XDH: variants seen among roughly 807,000 people sequenced by gnomAD.
XDH encodes xanthine dehydrogenase/oxidase.
XDH carries 138 observed loss-of-function variants against 156.1 expected under a neutral mutation model. The observed-to-expected ratio is 0.88, with a 90% CI of 0.77 to 1.02. The LOEUF is 1.02. Among genes scored for constraint, XDH ranks in the 50% least tolerant of loss-of-function variants. The probability of loss-of-function intolerance (pLI) is 0.00; values close to 1 mark genes in which losing one functional copy is unlikely to be tolerated. For synonymous variants in XDH, 669 were observed against 625.7 expected (o/e 1.07, Z -1.03); for missense variants, 1,849 against 1,684.9 (o/e 1.10, Z -1.71).
rs10590467 is a variant in XDH, at chr2:31,335,249, AAG to A, written c.*707_*708del. On this transcript the variant is annotated 3_prime_UTR_variant, in exon 36 of 36. Transcript: ENST00000379416. The stretch of plus-strand genomic sequence containing the variant: ...ACATAATCTTTTTTGTAAATACTCA[AAG>A]AGTATTTGGAATACAAATATTCTCT... The A allele has an allele frequency of 0.12, 17,829 of 153,058 alleles. 1,147 individuals carry two copies. The highest frequency in any genetic ancestry group is 0.2 in the Middle Eastern group (57 of 292). The allele number at this position is 153,058 out of a possible 1,614,324, so 9.5% of individuals were successfully genotyped here.
intron 34 of XDH, among the ~76,000 whole-genome samples, chr2:31,338,287 T>A (rs973905554): frequency 1.3e-5 from 2 of 152,192 alleles, no homozygotes; most frequent in Non-Finnish European, 2.9e-5. Context: ...ATTAAAACAT[T>A]TTCTAGCATA....
chr2:31,360,471 A>G (rs1558685319), intron 24 of XDH, among the ~76,000 whole-genome samples: 1 of 152,208 alleles, frequency 6.6e-6, no homozygotes, highest in Non-Finnish European at 1.5e-5. Flanking sequence ...ACTGCACTCC[A>G]GCCTGGGTGA....
At chr2:31,338,690 A>G (rs1312656158) in intron 34 of XDH, among the ~76,000 whole-genome samples, 1 of 150,226 alleles carries the variant, frequency 6.7e-6, no homozygotes, top group Non-Finnish European at 1.5e-5. Context: ...TAGAAGACAC[A>G]ATCCTCCAGG....
intron 6 of XDH, 57 bp downstream of exon 6, chr2:31,397,611 T>A: frequency 1.2e-6 from 2 of 1,607,418 alleles, no homozygotes; most frequent in Non-Finnish European, 1.7e-6. Flanking sequence ...CCACAGTGAT[T>A]TCTGAGTGTT....
rs551375856 is a variant in XDH, at chr2:31,363,371, C to T, written c.2631+787G>A. Among the ~76,000 whole-genome samples the T allele has an allele frequency of 2.6e-5, 4 of 152,250 alleles. 1 individual carries two copies. Among genetic ancestry groups the T allele is most frequent in the African/African-American group, 9.6e-5 (4 of 41,558 alleles). ...ACAAAACATTATTCTGAGAGAAAGA[C>T]ACCAAACAGAAAAAACTACATAGTG... On this transcript the variant is annotated intron_variant, in intron 24 of 35. Coordinates refer to ENST00000379416, the MANE Select transcript of XDH (RefSeq NM_000379.4).
At chr2:31,366,692 A>T (rs1685922934) in intron 21 of XDH, among the ~76,000 whole-genome samples, 178 bp downstream of exon 21, 1 of 152,218 alleles carries the variant, frequency 6.6e-6, no homozygotes, top group Non-Finnish European at 1.5e-5. Context: ...AAGGTTATGG[A>T]ACAAGGTCAG....
intron 9 of XDH, among the ~76,000 whole-genome samples, chr2:31,385,107 G>A (rs1313184535): frequency 6.6e-6 from 1 of 152,114 alleles, no homozygotes; most frequent in Non-Finnish European, 1.5e-5. Context: ...TGGGGTGGGG[G>A]ACCACATGAG....
chr2:31,384,067 C>G (rs532192873), intron 9 of XDH: 2 of 546,542 alleles, frequency 3.7e-6, no homozygotes, highest in Non-Finnish European at 6.6e-6. Context: ...GTCTTTCTTT[C>G]CCTCTCAAAA....
rs770700444 is a variant in XDH, at chr2:31,398,666, C to A, written c.340G>T (p.Gly114Trp). The change falls in exon 5 of 36, where the codon GGG (glycine) becomes TGG (tryptophan). Residue 114 changes from glycine (G) to tryptophan (W), a missense_variant. Physicochemically the swap from Gly to Trp is radical, Grantham distance 184 (BLOSUM62 -2). Transcript: ENST00000379416. ...ATGACGATGCCAGGGGTGCAGAACCCGCACTGGGAGCCGTGGCTTTTGGCA... is the reference window on the plus strand; with the variant it reads ...ATGACGATGCCAGGGGTGCAGAACCAGCACTGGGAGCCGTGGCTTTTGGCA... ...RIAKSHGSQC[G>W]FCTPGIVMSM... The A allele has an allele frequency of 1.2e-6, 2 of 1,614,136 alleles. No homozygotes were observed. The highest frequency in any genetic ancestry group is 2.2e-5 in the East Asian group (1 of 44,870).
intron 1 of XDH, among the ~76,000 whole-genome samples, chr2:31,412,693 T>C (rs1035665862): frequency 6.6e-6 from 1 of 152,206 alleles, no homozygotes; most frequent in African/African-American, 2.4e-5. Context: ...GCACAATTCC[T>C]GTAACAAAAG....
chr2:31,345,795 C>A lies in XDH; in HGVS notation c.3351+974G>T, dbSNP rs559934505. On this transcript the variant is annotated intron_variant, in intron 30 of 35. Transcript: ENST00000379416. ...TTATTGGGGTTATCTGTTTCCCAGG[C>A]ACACTGGTCTACATGGCTGGTGGTT... 2.6e-5 allele frequency among the ~76,000 whole-genome samples: 4 copies of A among 152,290 alleles called. No homozygotes were observed. The South Asian group carries it at 8.3e-4, about 32-fold the overall frequency.
intron 9 of XDH, among the ~76,000 whole-genome samples, chr2:31,384,716 G>A (rs935760160): frequency 6.6e-6 from 1 of 152,148 alleles, no homozygotes; most frequent in South Asian, 2.1e-4. Context: ...TCTGAAGGGG[G>A]CCCTAGGCTT....
At chr2:31,348,196 G>T (rs986384201) in intron 28 of XDH, 72 bp downstream of exon 28, 1 of 1,486,618 alleles carries the variant, frequency 6.7e-7, no homozygotes, top group African/African-American at 1.4e-5. Context: ...TGCTCTGATA[G>T]GTCCCACTGC....
In XDH at chr2:31,375,276, G is replaced by A. The variant is rs1686213048; in HGVS notation, c.1602+104C>T. The A allele has an allele frequency of 2.9e-6, 4 of 1,400,310 alleles. No homozygotes were observed. The Admixed American group carries it at 6.7e-5, about 23-fold the overall frequency. 86.7% of individuals were successfully genotyped at this position (1,400,310 alleles called of 1,614,324 possible). Reference sequence around the variant, plus strand: ...CTGTGACCCTGGTCCCTGCTATTCTGCCCTCAGATGTCCAGAGGAGAGGAG... The same window carrying A: ...CTGTGACCCTGGTCCCTGCTATTCTACCCTCAGATGTCCAGAGGAGAGGAG... On this transcript the variant is annotated intron_variant, in intron 15 of 35. Transcript: ENST00000379416.
chr2:31,375,264 C>T, intron 15 of XDH, 116 bp downstream of exon 15: 2 of 1,327,392 alleles, frequency 1.5e-6, no homozygotes, highest in South Asian at 2.4e-5. Context: ...TGACCCTGGT[C>T]CCTGCTATTC....
chr2:31,405,728 T>C (rs554668468), intron 2 of XDH, among the ~76,000 whole-genome samples, 179 bp downstream of exon 2: 1 of 152,250 alleles, frequency 6.6e-6, no homozygotes, highest in Non-Finnish European at 1.5e-5. Context: ...TCTCATTCAG[T>C]AGCTGAGAAT....
chr2:31,397,086 CT>C (rs1686929596), intron 6 of XDH, among the ~76,000 whole-genome samples: 1 of 152,228 alleles, frequency 6.6e-6, no homozygotes, highest in Non-Finnish European at 1.5e-5. Flanking sequence ...AGCTCTCTGC[CT>C]TCCTTGCCAG....
intron 10 of XDH, 113 bp from the exon 11 acceptor site, chr2:31,383,265 A>C: frequency 6.6e-7 from 1 of 1,523,672 alleles, no homozygotes; most frequent in Non-Finnish European, 9.0e-7. Context: ...ATCAGGACTC[A>C]CAGCTTTCCA....
At chr2:31,395,471 T>C (rs1245662482) in intron 6 of XDH, among the ~76,000 whole-genome samples, 2 of 152,190 alleles carry the variant, frequency 1.3e-5, no homozygotes, top group Admixed American at 1.3e-4. Context: ...AACAGAATGC[T>C]CTGGCATATT....
Sources: allele counts gnomAD v4.1 joint callset (sites outside exome capture counted in the v4.1 genomes callset), GRCh38; gene constraint gnomAD v4.1.1; transcripts MANE v1.5; gene names NCBI Gene and HGNC (gene_info 2026-07-23, HGNC 2026-07-21).